Variants in LRRC4C observed in about 807,000 individuals in gnomAD.
The protein encoded by LRRC4C is leucine-rich repeat-containing protein 4C.
Under a neutral mutation model 33.6 loss-of-function variants are expected in LRRC4C, and 5 were observed. The observed-to-expected ratio is 0.15, with a 90% CI of 0.08 to 0.31. The LOEUF (loss-of-function observed/expected upper bound fraction) is 0.31. Ranked by LOEUF, LRRC4C falls within the 10% of genes least tolerant of loss-of-function variation. The pLI, the probability that LRRC4C is intolerant of heterozygous loss-of-function variation, is 1.00. For missense variants in LRRC4C, 560 were observed against 796.7 expected (o/e 0.70, Z 3.58); for synonymous variants, 329 against 302.0 (o/e 1.09, Z -0.93).
At chr11:40,673,991 C>T (rs1234607877) in intron 2 of LRRC4C, among the ~76,000 whole-genome samples, 1 of 152,198 alleles carries the variant, frequency 6.6e-6, no homozygotes, top group Non-Finnish European at 1.5e-5. Flanking sequence ...CCAGCAGTTA[C>T]CTCAATGCTC....
At chr11:41,322,949 C>T (rs1951001426) in intron 1 of LRRC4C, among the ~76,000 whole-genome samples, 1 of 152,032 alleles carries the variant, frequency 6.6e-6, no homozygotes, top group African/African-American at 2.4e-5. Flanking sequence ...ATGCATTAAC[C>T]AAAGAACATT....
intron 1 of LRRC4C, among the ~76,000 whole-genome samples, chr11:41,311,789 T>G (rs1315628749): frequency 6.6e-6 from 1 of 152,216 alleles, no homozygotes; most frequent in Non-Finnish European, 1.5e-5. Flanking sequence ...AAGATTTATC[T>G]CAATCACAAA....
chr11:41,442,468 T>TTTTTTTTTTTTTTTTTTTTTTTTC (rs1955658506), intron 1 of LRRC4C, among the ~76,000 whole-genome samples: 1 of 106,534 alleles, frequency 9.4e-6, no homozygotes, highest in Non-Finnish European at 1.9e-5. Flanking sequence ...CTTTTTTTTT[T>TTTTTTTTTTTTTTTTTTTTTTTTC]TTTTTTTTTT....
At chr11:40,896,471 T>C (rs1283402055) in intron 2 of LRRC4C, among the ~76,000 whole-genome samples, 1 of 152,172 alleles carries the variant, frequency 6.6e-6, no homozygotes, top group Admixed American at 6.6e-5. Flanking sequence ...ATTTTTGAAA[T>C]ATTTTACAAA....
chr11:40,637,450 A>G (rs1174346161), intron 3 of LRRC4C, among the ~76,000 whole-genome samples: 2 of 152,132 alleles, frequency 1.3e-5, no homozygotes, highest in Non-Finnish European at 2.9e-5. Context: ...CCTTGTTCAA[A>G]CTTTTAATTA....
rs143677375 is a variant in LRRC4C at position 40,392,274 on chromosome 11, A to G, written c.-269-72553T>C. On this transcript the variant is annotated intron_variant, in intron 3 of 6. Coordinates refer to ENST00000528697, the MANE Select transcript of LRRC4C (RefSeq NM_001258419.2). ...ATGCATTTAGCAAAACGTATATAAT[A>G]TACAACACAGAGTCAGCCCTAGTGT... Among the ~76,000 whole-genome samples, 3 of 152,312 alleles carry G rather than the reference A, an allele frequency of 2.0e-5. No individual in the cohort carries two copies. The East Asian group carries it at 5.8e-4, about 29-fold the overall frequency.
At chr11:40,152,522 C>T (rs1858307836) in intron 5 of LRRC4C, among the ~76,000 whole-genome samples, 2 of 152,128 alleles carry the variant, frequency 1.3e-5, no homozygotes, top group Non-Finnish European at 1.5e-5. Context: ...TTCTTTTGCA[C>T]CTGGGAGGCA....
chr11:40,529,646 A>G (rs1382479519), intron 3 of LRRC4C, among the ~76,000 whole-genome samples: 1 of 152,200 alleles, frequency 6.6e-6, no homozygotes, highest in East Asian at 1.9e-4. Flanking sequence ...AATAAAGTTG[A>G]GTTTTCTGTG....
At chr11:40,179,516 TCAAA>T (rs1396720440) in intron 5 of LRRC4C, among the ~76,000 whole-genome samples, 3 of 152,156 alleles carry the variant, frequency 2.0e-5, no homozygotes, top group Non-Finnish European at 4.4e-5. Context: ...AAGAAAGCAT[TCAAA>T]CAATGAGTTT....
chr11:40,708,363 T>G (rs1434697559), intron 2 of LRRC4C, among the ~76,000 whole-genome samples: 1 of 152,216 alleles, frequency 6.6e-6, no homozygotes, highest in Non-Finnish European at 1.5e-5. Flanking sequence ...GCTATAAATT[T>G]CCCTCTACAC....
At chr11:41,434,793 G>A (rs1422239807) in intron 1 of LRRC4C, among the ~76,000 whole-genome samples, 3 of 152,192 alleles carry the variant, frequency 2.0e-5, no homozygotes. Flanking sequence ...GCAGCTTGAA[G>A]TCTGCAGATC....
intron 3 of LRRC4C, among the ~76,000 whole-genome samples, chr11:40,614,652 C>A (rs1302831639): frequency 6.6e-6 from 1 of 151,668 alleles, no homozygotes; most frequent in Non-Finnish European, 1.5e-5. Flanking sequence ...GCCTTCTTCA[C>A]TGAGCTTAAT....
chr11:40,854,693 A>T (rs1456950853), intron 2 of LRRC4C, among the ~76,000 whole-genome samples: 1 of 151,372 alleles, frequency 6.6e-6, no homozygotes, highest in Non-Finnish European at 1.5e-5. Context: ...TGTGTAATTA[A>T]ACACAAATAT....
chr11:40,970,585 A>G (rs1351915791), intron 1 of LRRC4C, among the ~76,000 whole-genome samples: 2 of 152,190 alleles, frequency 1.3e-5, no homozygotes, highest in Non-Finnish European at 2.9e-5. Flanking sequence ...GCAAAGGGAC[A>G]TTGCTATAAA....
At chr11:40,341,902 C>A (rs1946883683) in intron 3 of LRRC4C, among the ~76,000 whole-genome samples, 1 of 151,712 alleles carries the variant, frequency 6.6e-6, no homozygotes. Context: ...AATATTTGAT[C>A]CTTATTACAA....
chr11:40,303,675 T>C (rs1016083085), intron 4 of LRRC4C, among the ~76,000 whole-genome samples: 1 of 152,206 alleles, frequency 6.6e-6, no homozygotes, highest in Non-Finnish European at 1.5e-5. Flanking sequence ...TTTTCTTTTA[T>C]TTAGTTTTGT....
chr11:41,089,413 G>A (rs1281297694), intron 1 of LRRC4C, among the ~76,000 whole-genome samples: 1 of 151,916 alleles, frequency 6.6e-6, no homozygotes, highest in Non-Finnish European at 1.5e-5. Context: ...ATTACTCCAG[G>A]TAATGACTGG....
intron 2 of LRRC4C, among the ~76,000 whole-genome samples, chr11:40,699,480 C>G (rs895852575): frequency 6.6e-6 from 1 of 152,134 alleles, no homozygotes; most frequent in African/African-American, 2.4e-5. Flanking sequence ...AAGAGAGGAG[C>G]TATGATCTGT....
intron 3 of LRRC4C, among the ~76,000 whole-genome samples, chr11:40,378,115 A>G (rs151309253): frequency 9.2e-5 from 14 of 152,198 alleles, no homozygotes; most frequent in African/African-American, 3.4e-4. Flanking sequence ...TATACTCTAA[A>G]TTCACTTTCT....
Sources: allele counts gnomAD v4.1 joint callset (sites outside exome capture counted in the v4.1 genomes callset), GRCh38; gene constraint gnomAD v4.1.1; transcripts MANE v1.5; gene names NCBI Gene and HGNC (gene_info 2026-07-23, HGNC 2026-07-21).